The following HDLBP variants were observed in gnomAD, a reference collection of about 807,000 sequenced individuals.
HDLBP encodes the protein high density lipoprotein binding protein.
HDLBP carries 30 observed loss-of-function variants against 137.3 expected under a neutral mutation model. The observed-to-expected ratio is 0.22, with a 90% CI of 0.16 to 0.30. HDLBP has a LOEUF of 0.30. Ranked by LOEUF, HDLBP falls within the 10% of genes least tolerant of loss-of-function variation. HDLBP has a pLI of 1.00. For synonymous variants in HDLBP, 606 were observed against 596.0 expected (o/e 1.02, Z -0.24); for missense variants, 1,119 against 1,667.3 (o/e 0.67, Z 5.73).
intron 1 of HDLBP, among the ~76,000 whole-genome samples, chr2:241,291,703 A>C (rs535691642): frequency 6.6e-6 from 1 of 152,326 alleles, no homozygotes; most frequent in East Asian, 1.9e-4. Context: ...ATGGCCTCCA[A>C]AGATATTCAA....
intron 11 of HDLBP, among the ~76,000 whole-genome samples, chr2:241,252,695 G>A (rs1315910692): frequency 6.6e-6 from 1 of 152,196 alleles, no homozygotes; most frequent in East Asian, 1.9e-4. Context: ...TGGCCTCTGT[G>A]GGTTATTTGG....
chr2:241,297,297 T>A (rs933717206), intron 1 of HDLBP, among the ~76,000 whole-genome samples: 2 of 152,154 alleles, frequency 1.3e-5, no homozygotes, highest in African/African-American at 4.8e-5. Flanking sequence ...GGAGCCTCGT[T>A]CCATACAGGG....
Position 241,230,055 on chromosome 2 carries a change from A to G in HDLBP, c.3592-94T>C. On this transcript the variant is annotated intron_variant, in intron 26 of 27. Transcript: ENST00000310931. This position sits in a 1 kb window ranked among gnomAD's most constrained non-coding sequence, Gnocchi z 5.0. ...CCCCTGCACCTCGCCTGCCTCTGGA[A>G]ACACAAGTGCCACCTTGTCCCCTGA... The G allele has an allele frequency of 6.3e-7, 1 of 1,582,292 alleles. No homozygotes were observed. The highest frequency in any genetic ancestry group is 1.1e-5 in the South Asian group (1 of 88,428).
intron 1 of HDLBP, among the ~76,000 whole-genome samples, chr2:241,308,441 G>A (rs746891615): frequency 3.9e-5 from 6 of 152,180 alleles, no homozygotes; most frequent in Non-Finnish European, 7.3e-5. Context: ...CTATTAAAAA[G>A]GACATCTTTT....
chr2:241,305,283 C>T (rs2075533409), intron 1 of HDLBP, among the ~76,000 whole-genome samples: 1 of 152,106 alleles, frequency 6.6e-6, no homozygotes, highest in Non-Finnish European at 1.5e-5. Flanking sequence ...GTCACTACAC[C>T]CGGCTAATTC....
chr2:241,249,729 G>A (rs2071970455), intron 12 of HDLBP, 112 bp downstream of exon 12: 2 of 1,065,776 alleles, frequency 1.9e-6, no homozygotes, highest in South Asian at 3.2e-5. Context: ...TGCAACGTGG[G>A]ATTTGTCGAC....
In HDLBP at chr2:241,238,865, A is replaced by T; in HGVS notation, c.2611-78T>A. 2 of 1,209,910 alleles carry T rather than the reference A, an allele frequency of 1.7e-6. No individual in the cohort carries two copies. The highest frequency in any genetic ancestry group is 2.3e-6 in the Non-Finnish European group (2 of 880,724). The allele number at this position is 1,209,910 out of a possible 1,614,324, so 74.9% of individuals were successfully genotyped here. On this transcript the variant is annotated intron_variant, in intron 19 of 27. Coordinates refer to ENST00000310931, the MANE Select transcript of HDLBP (RefSeq NM_005336.6). This position sits in a 1 kb window ranked among gnomAD's most constrained non-coding sequence, Gnocchi z 4.9. ...GGGCAAGTTTTACAGCACTCTTCAC[A>T]CCACCTTCCTCCCTGTCCTCTACAG... is the stretch of plus-strand genomic sequence containing the variant.
intron 1 of HDLBP, among the ~76,000 whole-genome samples, chr2:241,278,827 A>T (rs1258837961): frequency 6.6e-6 from 1 of 152,158 alleles, no homozygotes; most frequent in Non-Finnish European, 1.5e-5. Context: ...CAATACACAC[A>T]ATCAATTATG....
At position 241,230,389 on chromosome 2, in the gene HDLBP, G is replaced by C. The variant is rs1223644863; in HGVS notation, c.3475-120C>G. On this transcript the variant is annotated intron_variant, in intron 25 of 27. Transcript: ENST00000310931. This position sits in a 1 kb window ranked among gnomAD's most constrained non-coding sequence, Gnocchi z 5.0. ...GCAAACGTTTTAAAATCTGGTTTCA[G>C]AGTTGTTCTGAAGTCAGTCAGCCTC... 1.4e-6 allele frequency: 1 copy of C among 694,896 alleles called. No homozygotes were observed. Among genetic ancestry groups the C allele is most frequent in the Non-Finnish European group, 2.4e-6 (1 of 409,864 alleles). 43.0% of individuals were successfully genotyped at this position (694,896 alleles called of 1,614,324 possible). A position where few individuals can be genotyped will look rare whatever the true frequency, so the allele number is the denominator to read the frequency against.
At chr2:241,261,025 T>A (rs1296387638) in intron 5 of HDLBP, among the ~76,000 whole-genome samples, 1 of 129,084 alleles carries the variant, frequency 7.7e-6, no homozygotes, top group African/African-American at 2.9e-5. Flanking sequence ...AACCCGCATC[T>A]GCCAAAAAAC....
chr2:241,261,508 G>C (rs1261400045), intron 5 of HDLBP, among the ~76,000 whole-genome samples: 1 of 152,172 alleles, frequency 6.6e-6, no homozygotes, highest in Non-Finnish European at 1.5e-5. Flanking sequence ...AGATAATTGA[G>C]GAGTAGGAGA....
At position 241,256,180 on chromosome 2, in the gene HDLBP, G is replaced by T. The variant is rs375266316; in HGVS notation, c.873+4C>A. The T allele has an allele frequency of 1.1e-5, 18 of 1,612,748 alleles. No homozygotes were observed. The African/African-American group carries it at 2.4e-4, about 22-fold the overall frequency. On this transcript the variant is annotated splice_donor_region_variant and intron_variant, in intron 7 of 27. Coordinates refer to ENST00000310931, the MANE Select transcript of HDLBP (RefSeq NM_005336.6). ...TGGGGATTTGCCTCCTCTAAATCGT[G>T]TACCTTCTCCTCATAAATCTTCTTG...
intron 1 of HDLBP, among the ~76,000 whole-genome samples, chr2:241,306,971 CAAAA>C (rs5839774): frequency 1.3e-5 from 1 of 79,130 alleles, no homozygotes; most frequent in African/African-American, 3.7e-5. Context: ...TGAACCTATT[CAAAA>C]AAAAAAAAAA....
intron 11 of HDLBP, chr2:241,250,249 G>C (rs1488978489): frequency 3.1e-6 from 1 of 319,522 alleles, no homozygotes; most frequent in Non-Finnish European, 5.7e-6. Flanking sequence ...ATAACTGACG[G>C]TTGGGGCCAC....
intron 1 of HDLBP, chr2:241,273,783 C>T (rs2074284442): frequency 2.5e-6 from 1 of 394,852 alleles, no homozygotes; most frequent in African/African-American, 2.2e-5. Context: ...TGCAGCCAGG[C>T]CACGGGTGCT....
intron 1 of HDLBP, among the ~76,000 whole-genome samples, chr2:241,299,188 T>A (rs1211439648): frequency 5.3e-5 from 8 of 152,066 alleles, no homozygotes; most frequent in Non-Finnish European, 8.8e-5. Flanking sequence ...TTTAAAAAAA[T>A]TAATGGAGGA....
chr2:241,251,664 TAAAC>T (rs2072191165), intron 11 of HDLBP, among the ~76,000 whole-genome samples: 1 of 152,166 alleles, frequency 6.6e-6, no homozygotes. Flanking sequence ...GCCATACAGT[TAAAC>T]AAAGAGGTGT....
At chr2:241,294,937 C>T (rs1400807089) in intron 1 of HDLBP, among the ~76,000 whole-genome samples, 1 of 152,066 alleles carries the variant, frequency 6.6e-6, no homozygotes, top group Admixed American at 6.6e-5. Flanking sequence ...CCCATCTCTA[C>T]TAAAAACACT....
At chr2:241,246,650 T>C (rs2071705114) in intron 16 of HDLBP, 102 bp downstream of exon 16, 3 of 1,140,038 alleles carry the variant, frequency 2.6e-6, no homozygotes, top group African/African-American at 3.1e-5. Context: ...CACATCAGCC[T>C]GCGCTGGCCC....
Sources: allele counts gnomAD v4.1 joint callset (sites outside exome capture counted in the v4.1 genomes callset), GRCh38; gene constraint gnomAD v4.1.1; non-coding constraint Gnocchi (gnomAD v3.1); transcripts MANE v1.5; gene names NCBI Gene and HGNC (gene_info 2026-07-23, HGNC 2026-07-21).